ABLIM3: variants seen among roughly 807,000 people sequenced by gnomAD.
ABLIM3 encodes the protein actin-binding LIM protein 3.
Under a neutral mutation model 109.5 loss-of-function variants are expected in ABLIM3, and 61 were observed. The observed-to-expected ratio is 0.56, with a 90% CI of 0.45 to 0.69. The LOEUF (loss-of-function observed/expected upper bound fraction) is 0.69. Among genes scored for constraint, ABLIM3 ranks in the 30% least tolerant of loss-of-function variants. The pLI is 0.00. For synonymous variants in ABLIM3, 300 were observed against 324.8 expected, an observed-to-expected ratio of 0.92 and a Z score of 0.82; for missense variants, 796 against 889.5, an observed-to-expected ratio of 0.89 and a Z score of 1.34.
At chr5:149,235,916 A>T (rs2400826) in intron 10 of ABLIM3, among the ~76,000 whole-genome samples, 1 of 152,002 alleles carries the variant, frequency 6.6e-6, no homozygotes, top group African/African-American at 2.4e-5. Context: ...TTGTTACCAC[A>T]CTGGACCTAA....
chr5:149,238,434 G>A (rs75444389), intron 11 of ABLIM3, among the ~76,000 whole-genome samples: 4,849 of 152,202 alleles, frequency 0.032, 112 homozygotes, highest in African/African-American at 0.065. Context: ...GAAGAGCCCA[G>A]TGCTGAGATT....
chr5:149,216,331 T>A (rs367668181), intron 7 of ABLIM3, among the ~76,000 whole-genome samples: 3 of 152,222 alleles, frequency 2.0e-5, no homozygotes, highest in Non-Finnish European at 4.4e-5. Flanking sequence ...CTTGCCATAT[T>A]GCATGTAACC....
chr5:149,208,959 G>C (rs1345287423), intron 6 of ABLIM3, among the ~76,000 whole-genome samples: 2 of 152,196 alleles, frequency 1.3e-5, no homozygotes, highest in Non-Finnish European at 2.9e-5. Context: ...AGGCAGAATG[G>C]CCAGCCTGGG....
chr5:149,174,362 G>A (rs540315764), intron 2 of ABLIM3: 3 of 152,002 alleles, frequency 2.0e-5, no homozygotes, highest in East Asian at 1.9e-4. Context: ...GAGGAAAGCC[G>A]GGTTCACAGT....
intron 19 of ABLIM3, among the ~76,000 whole-genome samples, 182 bp downstream of exon 19, chr5:149,250,026 T>C (rs141536643): frequency 6.6e-4 from 101 of 152,314 alleles, no homozygotes; most frequent in Non-Finnish European, 1.1e-3. Flanking sequence ...TTTCTGGAAC[T>C]AGGATTGCCA....
chr5:149,237,828 T>C (rs989437626), intron 11 of ABLIM3, among the ~76,000 whole-genome samples: 1 of 152,184 alleles, frequency 6.6e-6, no homozygotes, highest in Non-Finnish European at 1.5e-5. Context: ...ATTTCCACCA[T>C]CTGGAGATGG....
intron 9 of ABLIM3, among the ~76,000 whole-genome samples, chr5:149,231,935 A>G (rs1010935181): frequency 3.3e-5 from 5 of 152,254 alleles, no homozygotes; most frequent in Admixed American, 6.5e-5. Context: ...AATAAATTCA[A>G]TGATAATGAA....
chr5:149,230,911 C>G (rs553341610), intron 9 of ABLIM3, among the ~76,000 whole-genome samples: 1 of 152,182 alleles, frequency 6.6e-6, no homozygotes, highest in Non-Finnish European at 1.5e-5. Context: ...TGAAAGCACT[C>G]TGAAAACTGT....
intron 17 of ABLIM3, 123 bp downstream of exon 17, chr5:149,246,669 T>G: frequency 9.7e-7 from 1 of 1,025,960 alleles, no homozygotes; most frequent in Non-Finnish European, 1.4e-6. Flanking sequence ...AAAGCATAGC[T>G]TTGCATAACT....
chr5:149,205,767 G>C (rs986998935), intron 5 of ABLIM3, among the ~76,000 whole-genome samples: 1 of 152,148 alleles, frequency 6.6e-6, no homozygotes, highest in Non-Finnish European at 1.5e-5. Context: ...CCCCCAACTT[G>C]TACTAAGGGA....
Position 149,249,799 on chromosome 5 carries a change from C to G in ABLIM3, c.1700-16C>G, listed in dbSNP as rs190758229. Reference sequence around the variant, plus strand: ...TTTCCTCATGAGCAATGACCTTCAGCTTTTCTCTCCTGCAGCCCCTCGGTC... The same window carrying G: ...TTTCCTCATGAGCAATGACCTTCAGGTTTTCTCTCCTGCAGCCCCTCGGTC... On this transcript the variant is annotated splice_polypyrimidine_tract_variant and intron_variant, in intron 18 of 23. Transcript: ENST00000309868. 10 of 1,614,168 alleles carry G rather than the reference C, an allele frequency of 6.2e-6. No homozygotes were observed. The African/African-American group carries it at 9.3e-5, about 15-fold the overall frequency.
intron 10 of ABLIM3, among the ~76,000 whole-genome samples, chr5:149,233,756 G>A (rs1762094288): frequency 6.6e-6 from 1 of 152,228 alleles, no homozygotes; most frequent in Admixed American, 6.5e-5. Context: ...TACACATGTG[G>A]AAACATGGCT....
intron 7 of ABLIM3, among the ~76,000 whole-genome samples, chr5:149,212,133 GTT>G (rs994177489): frequency 3.3e-5 from 5 of 152,196 alleles, no homozygotes; most frequent in African/African-American, 1.2e-4. Context: ...CCATTGGAGA[GTT>G]TTAAGCCAAG....
At chr5:149,203,566 C>T (rs1174391629) in intron 5 of ABLIM3, among the ~76,000 whole-genome samples, 1 of 152,012 alleles carries the variant, frequency 6.6e-6, no homozygotes, top group Non-Finnish European at 1.5e-5. Flanking sequence ...ACCCTCATCA[C>T]CATTATGAAC....
intron 10 of ABLIM3, among the ~76,000 whole-genome samples, chr5:149,233,754 T>C (rs1029831172): frequency 2.0e-5 from 3 of 152,166 alleles, no homozygotes; most frequent in Non-Finnish European, 2.9e-5. Context: ...CATACACATG[T>C]GGAAACATGG....
intron 8 of ABLIM3, among the ~76,000 whole-genome samples, chr5:149,226,329 C>CA (rs1391375254): frequency 6.6e-6 from 1 of 151,872 alleles, no homozygotes; most frequent in Non-Finnish European, 1.5e-5. Context: ...ACTAAAAATA[C>CA]AAAAAATTAG....
At chr5:149,167,090 C>T (rs1010235465) in intron 2 of ABLIM3, among the ~76,000 whole-genome samples, 2 of 152,318 alleles carry the variant, frequency 1.3e-5, no homozygotes, top group African/African-American at 4.8e-5. Context: ...ATGTCTGTAG[C>T]ATCAGGATTT....
intron 2 of ABLIM3, among the ~76,000 whole-genome samples, chr5:149,166,529 G>C (rs575095796): frequency 1.3e-3 from 199 of 152,320 alleles, no homozygotes; most frequent in African/African-American, 4.5e-3. Context: ...GTATGTTAGA[G>C]AATTAGAAGT....
Position 149,237,518 on chromosome 5 carries a change from A to C in ABLIM3, c.959A>C (p.Glu320Ala). Reference protein sequence around the residue: ...AALPKVKSIYEVQRPDLISYE... With the variant: ...AALPKVKSIYAVQRPDLISYE... ...CTCCCCAAGGTTAAGTCTATCTACGAGGTACAACGCCCCGACCTCATTTCC... is the reference window on the plus strand; with the variant it reads ...CTCCCCAAGGTTAAGTCTATCTACGCGGTACAACGCCCCGACCTCATTTCC... Residue 320 changes from glutamate to alanine, a missense_variant, in exon 11 of 24, where the codon GAG becomes GCG. Glu to Ala is a moderately radical substitution (Grantham distance 107). Transcript: ENST00000309868. 6.2e-7 allele frequency: 1 copy of C among 1,614,192 alleles called. No individual in the cohort carries two copies. The highest frequency in any genetic ancestry group is 8.5e-7 in the Non-Finnish European group (1 of 1,180,042).
Sources: allele counts gnomAD v4.1 joint callset (sites outside exome capture counted in the v4.1 genomes callset), GRCh38; gene constraint gnomAD v4.1.1; transcripts MANE v1.5; gene names NCBI Gene and HGNC (gene_info 2026-07-23, HGNC 2026-07-21).